The following PCED1A variants were observed in gnomAD, a reference collection of about 807,000 sequenced individuals.
PCED1A encodes the protein PC-esterase domain-containing protein 1A.
A neutral mutation model predicts 41.9 loss-of-function variants in PCED1A; 20 were observed. That is an observed-to-expected ratio of 0.48 (90% CI 0.34 to 0.69). The LOEUF (loss-of-function observed/expected upper bound fraction) is 0.69. Among genes scored for constraint, PCED1A ranks in the 30% least tolerant of loss-of-function variants. The pLI is 0.01. For synonymous variants in PCED1A, 236 were observed against 241.3 expected, an observed-to-expected ratio of 0.98 and a Z score of 0.20; for missense variants, 498 against 602.1, an observed-to-expected ratio of 0.83 and a Z score of 1.81.
chr20:2,838,185 T>G lies in PCED1A; in HGVS notation c.841+47A>C, dbSNP rs757070250. 6.2e-7 allele frequency: 1 copy of G among 1,611,956 alleles called. No individual in the cohort carries two copies. Among genetic ancestry groups the G allele is most frequent in the Non-Finnish European group, 8.5e-7 (1 of 1,179,448 alleles). ...CATTCTGTTTCTGAGCCCTGTCCTC[T>G]GAGGGCCCCAGTGCATCACTACCCC... On this transcript the variant is annotated intron_variant, in intron 6 of 7. Transcript: ENST00000360652. The surrounding 1 kb of genome is among the most constrained non-coding windows in gnomAD (Gnocchi z 5.8).
At chr20:2,840,835 G>GCC, upstream of PCED1A, 2 of 1,524,338 alleles carry the variant, frequency 1.3e-6, no homozygotes, top group Non-Finnish European at 1.8e-6. Flanking sequence ...CCGGTGAGCT[G>GCC]CCCCGCCCTC....
In PCED1A at chr20:2,839,941, G is replaced by C. The variant is rs374289544; in HGVS notation, c.-21-8C>G. 424 of 1,604,920 alleles carry C rather than the reference G, an allele frequency of 2.6e-4. No individual in the cohort carries two copies. Among genetic ancestry groups the C allele is most frequent in the Non-Finnish European group, 3.2e-4 (375 of 1,177,344 alleles). ...GCCACCAGCAACGACAGGCTGCAGG[G>C]AGAGGCCACTAAGCAGCGCGATGGT... On this transcript the variant is annotated splice_polypyrimidine_tract_variant and splice_region_variant and intron_variant, in intron 1 of 7. Transcript: ENST00000360652.
intron 6 of PCED1A, among the ~76,000 whole-genome samples, chr20:2,836,922 G>A (rs2088845253): frequency 6.6e-6 from 1 of 152,124 alleles, no homozygotes; most frequent in African/African-American, 2.4e-5. Context: ...CAAAGCATGA[G>A]CATCGTTCTG....
rs200677108 is a variant in PCED1A at position 2,839,782 on chromosome 20, C to A, written c.124+7G>T. On this transcript the variant is annotated splice_region_variant and intron_variant, in intron 2 of 7. Transcript: ENST00000360652. Reference sequence around the variant, plus strand: ...ACTGGAAGCGTCACCCTAGAAGAGGCACTCACTGGAGTCCCCCAAGATGAC... The same window carrying A: ...ACTGGAAGCGTCACCCTAGAAGAGGAACTCACTGGAGTCCCCCAAGATGAC... 4.2e-5 allele frequency: 68 copies of A among 1,613,802 alleles called. No individual in the cohort carries two copies. The Admixed American group carries it at 1.1e-3, about 26-fold the overall frequency.
Position 2,839,191 on chromosome 20 carries a change from C to G in PCED1A, c.204+1G>C, listed in dbSNP as rs759111796. 2 of 1,613,622 alleles carry G rather than the reference C, an allele frequency of 1.2e-6. No homozygotes were observed. Among genetic ancestry groups the G allele is most frequent in the Admixed American group, 3.3e-5 (2 of 59,964 alleles). On this transcript the variant is annotated splice_donor_variant, in intron 3 of 7. Transcript: ENST00000360652. LOFTEE classifies it high-confidence loss of function. ...TGACATGGCCACCAAGCTTCCCTCA[C>G]CTTGGCTTTCAGCTGGGCAGCTGTG... is the stretch of plus-strand genomic sequence containing the variant.
chr20:2,840,332 C>T lies in PCED1A; in HGVS notation c.-143G>A, dbSNP rs2088941285. On this transcript the variant is annotated 5_prime_UTR_variant, in exon 1 of 8. Coordinates refer to ENST00000360652, the MANE Select transcript of PCED1A (RefSeq NM_022760.6). ...CCGCGCCCCAGTCGGCCAGTCGGTT[C>T]TGCAAAGCTCCCGCCCCGCAGAGAC... 7 of 263,944 alleles carry T rather than the reference C, an allele frequency of 2.7e-5. No homozygotes were observed. The South Asian group carries it at 3.6e-4, about 14-fold the overall frequency. The allele number at this position is 263,944 out of a possible 1,614,324, so 16.4% of individuals were successfully genotyped here. A position where few individuals can be genotyped will look rare whatever the true frequency, so the allele number is the denominator to read the frequency against.
Position 2,836,165 on chromosome 20 carries a change from G to T in PCED1A, c.991C>A (p.Pro331Thr), listed in dbSNP as rs2088829982. The T allele has an allele frequency of 8.1e-6, 13 of 1,609,234 alleles. No individual in the cohort carries two copies. Among genetic ancestry groups the T allele is most frequent in the Non-Finnish European group, 1.1e-5 (13 of 1,176,934 alleles). ...PMPFPYPLPQ[P>T]SPPPLFPPLP... ...GGTGGGAAGAGGGGAGGTGGCGAGG[G>T]CTGAGGAAGCGGGTAGGGAAAAGGC... Residue 331 changes from proline (P) to threonine (T), a missense_variant, in exon 7 of 8, where the codon CCC becomes ACC. This residue lies in a region of PCED1A where 245 missense variants were observed against 232.4 expected (regional missense o/e 1.05). Transcript: ENST00000360652.
rs538199123 is a variant in PCED1A, at chr20:2,836,069, C to T, written c.1087G>A (p.Val363Met). 2.0e-6 allele frequency: 3 copies of T among 1,501,270 alleles called. No individual in the cohort carries two copies. The highest frequency in any genetic ancestry group is 2.7e-5 in the South Asian group (2 of 74,654). 93.0% of individuals were successfully genotyped at this position (1,501,270 alleles called of 1,614,324 possible). The change falls in exon 7 of 8, where the codon GTG becomes ATG. Residue 363 changes from valine to methionine, a missense_variant. By Grantham distance (21) the Val-to-Met change is conservative. Around this residue, in one of 2 missense-constraint regions of PCED1A, gnomAD observed 245 missense variants for 232.4 expected, o/e 1.05. Coordinates refer to ENST00000360652, the MANE Select transcript of PCED1A (RefSeq NM_022760.6). ...TGGGGTGGCATCGAGAAGTCCTCCA[C>T]TGGATTATAGTTGAAGAATTCATGG... ...PPHEFFNYNPVEDFSMPPHLG... is the reference protein window; with the variant it reads ...PPHEFFNYNPMEDFSMPPHLG...
At position 2,840,226 on chromosome 20, in the gene PCED1A, C is replaced by T. The variant is rs935468350; in HGVS notation, c.-37G>A. ...CGCCAATTACCAAGTCCCGGGGCTC[C>T]GCGGTGTTCACCCGCGACCCGGGTA... On this transcript the variant is annotated 5_prime_UTR_variant, in exon 1 of 8. Coordinates refer to ENST00000360652, the MANE Select transcript of PCED1A (RefSeq NM_022760.6). 4.4e-5 allele frequency: 12 copies of T among 273,824 alleles called. No homozygotes were observed. The South Asian group carries it at 6.3e-4, about 14-fold the overall frequency. 17.0% of individuals were successfully genotyped at this position (273,824 alleles called of 1,614,324 possible).
chr20:2,839,958 C>A (rs755528887), intron 1 of PCED1A, 25 bp from the exon 2 acceptor site: 1 of 1,584,584 alleles, frequency 6.3e-7, no homozygotes, highest in Non-Finnish European at 8.6e-7. Flanking sequence ...CACTAAGCAG[C>A]GCGATGGTGG....
In PCED1A at chr20:2,835,774, A is replaced by G. The variant is rs1333099731; in HGVS notation, c.1118-65T>C. On this transcript the variant is annotated intron_variant, in intron 7 of 7. Coordinates refer to ENST00000360652, the MANE Select transcript of PCED1A (RefSeq NM_022760.6). ...CAGAGTGAGTGCAGCTCTGCCTTGAAGCAACTCTTGTCCTCCAGGTGAGCT... is the reference window on the plus strand; with the variant it reads ...CAGAGTGAGTGCAGCTCTGCCTTGAGGCAACTCTTGTCCTCCAGGTGAGCT... 54 of 1,507,562 alleles carry G rather than the reference A, an allele frequency of 3.6e-5. No homozygotes were observed. The South Asian group carries it at 5.9e-4, about 17-fold the overall frequency. 93.4% of individuals were successfully genotyped at this position (1,507,562 alleles called of 1,614,324 possible).
Position 2,838,455 on chromosome 20 carries a change from C to A in PCED1A, c.618G>T (p.Leu206=), listed in dbSNP as rs1307738213. The A allele has an allele frequency of 6.2e-7, 1 of 1,614,120 alleles. No homozygotes were observed. Among genetic ancestry groups the A allele is most frequent in the African/African-American group, 1.3e-5 (1 of 74,948 alleles). Reference sequence around the variant, plus strand: ...AGTTCCCTTCAACCACATCCCGCCGCAGGGAGCCTGCCAGGGGCTGGAGCT... The same window carrying A: ...AGTTCCCTTCAACCACATCCCGCCGAAGGGAGCCTGCCAGGGGCTGGAGCT... ...LPELQPLAGS[L]RRDVVEGNFY... The change falls in exon 6 of 8, where the codon CTG becomes CTT. Residue 206 remains leucine (L), a synonymous_variant. Coordinates refer to ENST00000360652, the MANE Select transcript of PCED1A (RefSeq NM_022760.6). This position sits in a 1 kb window ranked among gnomAD's most constrained non-coding sequence, Gnocchi z 5.8.
In PCED1A at chr20:2,838,906, C is replaced by G; in HGVS notation, c.381G>C (p.Glu127Asp). The part of the protein sequence containing the change: ...YSEYLEDVLE[E>D]LTYGPAPDLV... ...GGTCCGGGGCAGGTCCATATGTCAG[C>G]TCTTCCAGAACATCCTCAAGGTACT... Residue 127 changes from glutamate (E) to aspartate (D), a missense_variant, in exon 4 of 8, where the codon GAG becomes GAC. Coordinates refer to ENST00000360652, the MANE Select transcript of PCED1A (RefSeq NM_022760.6). The surrounding 1 kb of genome is among the most constrained non-coding windows in gnomAD (Gnocchi z 5.8). 1 of 1,614,106 alleles carries G rather than the reference C, an allele frequency of 6.2e-7. No homozygotes were observed. Among genetic ancestry groups the G allele is most frequent in the Non-Finnish European group, 8.5e-7 (1 of 1,180,030 alleles).
At position 2,835,628 on chromosome 20, in the gene PCED1A, C is replaced by T. The variant is rs764581749; in HGVS notation, c.1199G>A (p.Gly400Asp). Residue 400 changes from glycine to aspartate, a missense_variant, in exon 8 of 8, where the codon GGC becomes GAC. By Grantham distance (94) the Gly-to-Asp change is moderately conservative. Coordinates refer to ENST00000360652, the MANE Select transcript of PCED1A (RefSeq NM_022760.6). ...TGGCATCCCCCGGTGGACCACTGGG[C>T]CCCAGTGCTGACCATGGGGATTAGG... ...PGPNPHGQHW[G>D]PVVHRGMPRY... is the part of the protein sequence containing the mutation. The T allele has an allele frequency of 9.9e-6, 16 of 1,610,582 alleles. No individual in the cohort carries two copies. Among genetic ancestry groups the T allele is most frequent in the Non-Finnish European group, 1.1e-5 (13 of 1,177,376 alleles).
chr20:2,839,097 C>A lies in PCED1A; in HGVS notation c.205-15G>T, dbSNP rs1440128808. 21 of 1,602,978 alleles carry A rather than the reference C, an allele frequency of 1.3e-5. No individual in the cohort carries two copies. Among genetic ancestry groups the A allele is most frequent in the Admixed American group, 8.4e-5 (5 of 59,488 alleles). On this transcript the variant is annotated splice_polypyrimidine_tract_variant and intron_variant, in intron 3 of 7. Coordinates refer to ENST00000360652, the MANE Select transcript of PCED1A (RefSeq NM_022760.6). Reference sequence around the variant, plus strand: ...CTCAGCTCCCCCTACCCACCCCCCCCACCCTACTGGTCAGACCCATGCCAG... The same window carrying A: ...CTCAGCTCCCCCTACCCACCCCCCCAACCCTACTGGTCAGACCCATGCCAG...
intron 1 of PCED1A, 71 bp downstream of exon 1, chr20:2,840,140 G>A (rs775470997): frequency 1.1e-5 from 5 of 446,222 alleles, no homozygotes; most frequent in Non-Finnish European, 3.9e-6. Flanking sequence ...CTTCCCGCGC[G>A]GCGCCGCCCT....
chr20:2,839,361 G>T, intron 2 of PCED1A, 90 bp from the exon 3 acceptor site: 1 of 1,203,238 alleles, frequency 8.3e-7, no homozygotes, highest in Non-Finnish European at 1.2e-6. Flanking sequence ...CCAGGGCTGA[G>T]GTGCCCGACA....
intron 6 of PCED1A, among the ~76,000 whole-genome samples, chr20:2,836,687 A>C (rs748304469): frequency 1.5e-4 from 23 of 152,162 alleles, no homozygotes; most frequent in Non-Finnish European, 2.2e-4. Flanking sequence ...CCAAACTTCC[A>C]AAAGGAATGT....
chr20:2,835,423 A>C lies in PCED1A; in HGVS notation c.*39T>G. 1.3e-6 allele frequency: 2 copies of C among 1,569,690 alleles called. No homozygotes were observed. The highest frequency in any genetic ancestry group is 1.7e-6 in the Non-Finnish European group (2 of 1,152,682). ...ACCTGAGGTGCCAGGCAGGCCCTGA[A>C]GGGCCATTGGCACATCCAGTCCCAG... is the stretch of plus-strand genomic sequence containing the variant. On this transcript the variant is annotated 3_prime_UTR_variant, in exon 8 of 8. Coordinates refer to ENST00000360652, the MANE Select transcript of PCED1A (RefSeq NM_022760.6).
Sources: gnomAD v4.1 joint callset for allele counts (sites outside exome capture counted in the v4.1 genomes callset) on GRCh38, gnomAD v4.1.1 for gene constraint, gnomAD v4.1.1 regional missense constraint, Gnocchi (gnomAD v3.1) non-coding constraint, MANE v1.5 for transcripts, NCBI Gene and HGNC (gene_info 2026-07-23, HGNC 2026-07-21) for gene names.